The following USP7 variants were observed in gnomAD, a reference collection of about 807,000 sequenced individuals.
USP7 encodes ubiquitin C-terminal hydrolase 7.
USP7 carries 9 observed loss-of-function variants against 162.9 expected under a neutral mutation model. That is an observed-to-expected ratio of 0.06 (90% confidence interval 0.03 to 0.10). USP7 has a LOEUF of 0.10. USP7 is among the 10% of genes least tolerant of loss of function. The probability of loss-of-function intolerance (pLI) is 1.00; values close to 1 mark genes in which losing one functional copy is unlikely to be tolerated. For missense variants in USP7, 715 were observed against 1,373.7 expected (o/e 0.52, Z 7.58); for synonymous variants, 562 against 475.9 (o/e 1.18, Z -2.35).
chr16:8,956,499 C>G (rs1263141651), intron 1 of USP7: 1 of 152,256 alleles, frequency 6.6e-6, no homozygotes, highest in Non-Finnish European at 1.5e-5. Flanking sequence ...GCGCAGTGGC[C>G]CACGCCTGTA....
At chr16:8,923,087 G>C in intron 3 of USP7, 128 bp downstream of exon 3, 1 of 623,464 alleles carries the variant, frequency 1.6e-6, no homozygotes, top group East Asian at 3.3e-5. Flanking sequence ...ATACCAGTGG[G>C]TTTTAAAGAG....
chr16:8,902,344 A>C (rs1052173149), intron 17 of USP7, 37 bp downstream of exon 17: 2 of 1,608,150 alleles, frequency 1.2e-6, no homozygotes, highest in African/African-American at 2.7e-5. Flanking sequence ...CGCCTTCTGC[A>C]CGGTTCCAAA....
chr16:8,939,750 G>A lies in USP7; in HGVS notation c.80-9353C>T, dbSNP rs557894017. Among the ~76,000 whole-genome samples the A allele has an allele frequency of 3.3e-4, 50 of 152,134 alleles. 1 individual carries two copies. The highest frequency in any genetic ancestry group is 5.0e-4 in the Non-Finnish European group (34 of 68,024). On this transcript the variant is annotated intron_variant, in intron 1 of 30. Coordinates refer to ENST00000344836, the MANE Select transcript of USP7 (RefSeq NM_003470.3). ...AACACATATACTATTCACATTACGT[G>A]GGTAAGTTTAATAACTCCAAAACAT...
intron 21 of USP7, chr16:8,900,138 G>T (rs1054143160): frequency 8.3e-6 from 3 of 360,606 alleles, no homozygotes; most frequent in Non-Finnish European, 1.5e-5. Context: ...GTGTGCCATC[G>T]AGCCACTTTC....
intron 1 of USP7, among the ~76,000 whole-genome samples, chr16:8,959,454 G>C (rs1317149467): frequency 6.6e-6 from 1 of 152,038 alleles, no homozygotes; most frequent in South Asian, 2.1e-4. Flanking sequence ...CAGCCTGAAA[G>C]AATCAGGAGA....
At chr16:8,918,334 A>AACT (rs1301400414) in intron 6 of USP7, among the ~76,000 whole-genome samples, 1 of 152,130 alleles carries the variant, frequency 6.6e-6, no homozygotes, top group African/African-American at 2.4e-5. Flanking sequence ...AAATAGAACT[A>AACT]ACTCATCTAT....
intron 18 of USP7, 81 bp from the exon 19 acceptor site, chr16:8,901,315 A>C (rs2061770681): frequency 7.2e-6 from 6 of 833,008 alleles, no homozygotes; most frequent in African/African-American, 3.7e-5. Context: ...AACAAACAAA[A>C]AAACGAAAAA....
intron 1 of USP7, among the ~76,000 whole-genome samples, chr16:8,950,286 CACA>C (rs1406522454): frequency 1.3e-5 from 2 of 151,968 alleles, no homozygotes; most frequent in Non-Finnish European, 2.9e-5. Context: ...GAGTAGAAGA[CACA>C]ACAGACATTT....
At chr16:8,910,949 G>A (rs1567217485) in intron 10 of USP7, 122 bp from the exon 11 acceptor site, 2 of 788,656 alleles carry the variant, frequency 2.5e-6, no homozygotes, top group African/African-American at 1.7e-5. Flanking sequence ...AACACTAACA[G>A]TAACTCTCCC....
intron 5 of USP7, 90 bp from the exon 6 acceptor site, chr16:8,919,229 T>C: frequency 7.6e-7 from 1 of 1,311,720 alleles, no homozygotes; most frequent in East Asian, 2.3e-5. Context: ...AGGTCAGCCT[T>C]AAGGAAACCG....
At chr16:8,939,353 CAGTGTGG>C (rs1451646556) in intron 1 of USP7, among the ~76,000 whole-genome samples, 2 of 152,178 alleles carry the variant, frequency 1.3e-5, no homozygotes, top group Non-Finnish European at 2.9e-5. Context: ...TAAATGGACA[CAGTGTGG>C]AATGAGTTGT....
At chr16:8,898,208 G>A (rs760748769) in intron 25 of USP7, 152 bp downstream of exon 25, 19 of 683,964 alleles carry the variant, frequency 2.8e-5, no homozygotes, top group Non-Finnish European at 3.6e-5. Flanking sequence ...CAGGAGGCAG[G>A]AAAGACTGGC....
chr16:8,926,736 C>T (rs1898022642), intron 2 of USP7, among the ~76,000 whole-genome samples: 1 of 152,196 alleles, frequency 6.6e-6, no homozygotes, highest in Non-Finnish European at 1.5e-5. Context: ...ACAAAGACTC[C>T]AATCTGCCTG....
At chr16:8,956,903 C>G (rs1477143624) in intron 1 of USP7, among the ~76,000 whole-genome samples, 2 of 152,190 alleles carry the variant, frequency 1.3e-5, no homozygotes, top group Non-Finnish European at 2.9e-5. Flanking sequence ...CATGCCCAGC[C>G]CTTCTGGGCA....
rs1048501538 is a variant in USP7, at chr16:8,917,265, A to G, written c.721-109T>C. ...TAAAAAAATCATTTCTAATAACACA[A>G]TGGCTAAGGTTGTTGTTAGGGCTTT... is the stretch of plus-strand genomic sequence containing the variant. On this transcript the variant is annotated intron_variant, in intron 6 of 30. Coordinates refer to ENST00000344836, the MANE Select transcript of USP7 (RefSeq NM_003470.3). 6.1e-6 allele frequency: 8 copies of G among 1,318,968 alleles called. No individual in the cohort carries two copies. In the African/African-American group the frequency reaches 9.0e-5, roughly 15 times the overall value. 81.7% of individuals were successfully genotyped at this position (1,318,968 alleles called of 1,614,324 possible).
intron 1 of USP7, among the ~76,000 whole-genome samples, chr16:8,952,517 G>C (rs1448145778): frequency 6.6e-6 from 1 of 152,138 alleles, no homozygotes. Context: ...CCGGGTCCTA[G>C]AGCCACCCCA....
intron 1 of USP7, among the ~76,000 whole-genome samples, chr16:8,953,521 T>TGCCCCATGCGGTGCCACC (rs1567248165): frequency 1.8e-5 from 2 of 111,480 alleles, no homozygotes; most frequent in South Asian, 2.7e-4. Context: ...GCGGTGCCAC[T>TGCCCCATGCGGTGCCACC]GGAAGCAGAG....
intron 1 of USP7, among the ~76,000 whole-genome samples, chr16:8,951,033 T>C (rs1413561234): frequency 2.0e-5 from 3 of 152,198 alleles, no homozygotes; most frequent in Non-Finnish European, 4.4e-5. Context: ...CTCTTGTGCA[T>C]TGTGTGAGCA....
At chr16:8,896,055 G>GA (rs2061676577) in intron 26 of USP7, among the ~76,000 whole-genome samples, 1 of 151,300 alleles carries the variant, frequency 6.6e-6, no homozygotes, top group Admixed American at 6.6e-5. Flanking sequence ...TAGCCAGGAT[G>GA]GTCTCGAACT....
Sources: allele counts gnomAD v4.1 joint callset (sites outside exome capture counted in the v4.1 genomes callset), GRCh38; gene constraint gnomAD v4.1.1; transcripts MANE v1.5; gene names NCBI Gene and HGNC (gene_info 2026-07-23, HGNC 2026-07-21).